The following TBC1D4 variants were observed in gnomAD, a reference collection of about 807,000 sequenced individuals.
TBC1D4 encodes TBC1 domain family member 4.
TBC1D4 carries 121 observed loss-of-function variants against 142.5 expected under a neutral mutation model. That is an observed-to-expected ratio of 0.85 (90% CI 0.73 to 0.99). TBC1D4 has a LOEUF of 0.99. TBC1D4 is among the 50% of genes least tolerant of loss of function. The pLI is 0.00. For synonymous variants in TBC1D4, 630 were observed against 628.2 expected (o/e 1.00, Z -0.04); for missense variants, 1,475 against 1,606.6 (o/e 0.92, Z 1.40).
rs113609804 is a variant in TBC1D4, at chr13:75,321,428, G to A, written c.2199-1391C>T. Among the ~76,000 whole-genome samples the A allele has an allele frequency of 2.7e-3, 359 of 133,220 alleles. 2 individuals carry two copies. The highest frequency in any genetic ancestry group is 8.2e-3 in the African/African-American group (325 of 39,648). 87.4% of individuals were successfully genotyped at this position (133,220 alleles called of 152,430 possible). ...ATGGCTTAGAATGAGGAAATATAGC[G>A]GTGCATATATATGTATATATATATG... On this transcript the variant is annotated intron_variant, in intron 11 of 20. Coordinates refer to ENST00000377636, the MANE Select transcript of TBC1D4 (RefSeq NM_014832.5).
chr13:75,338,554 C>G (rs1205597530), intron 7 of TBC1D4, among the ~76,000 whole-genome samples: 1 of 152,100 alleles, frequency 6.6e-6, no homozygotes, highest in Admixed American at 6.5e-5. Context: ...GTTAAAATCT[C>G]CTCCTGTATG....
At chr13:75,465,326 C>T (rs1431114608) in intron 1 of TBC1D4, among the ~76,000 whole-genome samples, 1 of 152,166 alleles carries the variant, frequency 6.6e-6, no homozygotes, top group African/African-American at 2.4e-5. Flanking sequence ...TACCAAGATC[C>T]AACACAGTAC....
intron 13 of TBC1D4, among the ~76,000 whole-genome samples, chr13:75,311,110 G>A (rs987699895): frequency 2.1e-4 from 32 of 152,212 alleles, no homozygotes; most frequent in African/African-American, 7.0e-4. Flanking sequence ...ACATTTCAAT[G>A]GTTGCTTATA....
Position 75,320,137 on chromosome 13 carries a change from T to C in TBC1D4, c.2199-100A>G, listed in dbSNP as rs1056321625. 34 of 1,310,374 alleles carry C rather than the reference T, an allele frequency of 2.6e-5. No homozygotes were observed. In the African/African-American group the frequency reaches 4.8e-4, roughly 19 times the overall value. 81.2% of individuals were successfully genotyped at this position (1,310,374 alleles called of 1,614,324 possible). A position where few individuals can be genotyped will look rare whatever the true frequency, so the allele number is the denominator to read the frequency against. On this transcript the variant is annotated intron_variant, in intron 11 of 20. Transcript: ENST00000377636. ...ATTCCAATAAGTCATCAATAAGTCA[T>C]GGTAAGGTTACTTCAATAATGAACC...
chr13:75,349,266 T>C lies in TBC1D4; in HGVS notation c.1312A>G (p.Ser438Gly), dbSNP rs1566410244. Reference sequence around the variant, plus strand: ...GCACTCTGCAGGGCAGCCGCCGTACTGAAGGCCTGTTTCAGAGTCAGCATT... The same window carrying C: ...GCACTCTGCAGGGCAGCCGCCGTACCGAAGGCCTGTTTCAGAGTCAGCATT... Reference protein sequence around the residue: ...EVMLTLKQAFSTAAALQSAKT... With the variant: ...EVMLTLKQAFGTAAALQSAKT... Residue 438 changes from serine to glycine, a missense_variant, in exon 5 of 21, where the codon AGT becomes GGT. Around this residue, in one of 2 missense-constraint regions of TBC1D4, gnomAD observed 1,227 missense variants for 1,267.7 expected, o/e 0.97. Transcript: ENST00000377636. The C allele has an allele frequency of 1.9e-6, 3 of 1,614,006 alleles. No individual in the cohort carries two copies. The highest frequency in any genetic ancestry group is 2.5e-6 in the Non-Finnish European group (3 of 1,179,932).
chr13:75,360,153 T>C (rs1882386994), intron 2 of TBC1D4, among the ~76,000 whole-genome samples: 1 of 152,152 alleles, frequency 6.6e-6, no homozygotes, highest in African/African-American at 2.4e-5. Context: ...ATATGCAAAC[T>C]TTCCTCACTT....
chr13:75,299,738 C>T lies in TBC1D4; in HGVS notation c.2912-164G>A, dbSNP rs560688040. ...TAACTAAGAGTCTCTCCCTCTCTCA[C>T]CCCAAGTTCTGCCAGGCCACCATAC... On this transcript the variant is annotated intron_variant, in intron 16 of 20. Coordinates refer to ENST00000377636, the MANE Select transcript of TBC1D4 (RefSeq NM_014832.5). Among the ~76,000 whole-genome samples the T allele has an allele frequency of 1.1e-4, 16 of 151,212 alleles. No individual in the cohort carries two copies. In the South Asian group the frequency reaches 2.9e-3, roughly 28 times the overall value.
chr13:75,441,554 T>C lies in TBC1D4; in HGVS notation c.498+39716A>G, dbSNP rs77544202. Among the ~76,000 whole-genome samples the C allele has an allele frequency of 2.6e-3, 396 of 152,334 alleles. 3 individuals are homozygous for C. Among genetic ancestry groups the C allele is most frequent in the Non-Finnish European group, 4.5e-3 (305 of 68,032 alleles). Reference sequence around the variant, plus strand: ...TAACTTAAAAGCACTATATTTTTAATATCTCTAAAAAGATTACTTTTGAAA... The same window carrying C: ...TAACTTAAAAGCACTATATTTTTAACATCTCTAAAAAGATTACTTTTGAAA... On this transcript the variant is annotated intron_variant, in intron 1 of 20. Coordinates refer to ENST00000377636, the MANE Select transcript of TBC1D4 (RefSeq NM_014832.5).
chr13:75,413,656 A>G (rs1202119077), intron 1 of TBC1D4, among the ~76,000 whole-genome samples: 1 of 152,204 alleles, frequency 6.6e-6, no homozygotes, highest in African/African-American at 2.4e-5. Context: ...TTCAAGAACA[A>G]AGAGGCCAGA....
intron 1 of TBC1D4, among the ~76,000 whole-genome samples, chr13:75,399,333 T>G (rs1227105619): frequency 6.6e-6 from 1 of 152,212 alleles, no homozygotes; most frequent in Non-Finnish European, 1.5e-5. Context: ...GAGAATTGGC[T>G]GAATTTCAGA....
intron 7 of TBC1D4, among the ~76,000 whole-genome samples, chr13:75,339,141 C>A (rs1418571154): frequency 6.6e-6 from 1 of 152,192 alleles, no homozygotes; most frequent in Non-Finnish European, 1.5e-5. Context: ...ACATTGGTTT[C>A]TCCTCCTAAA....
intron 1 of TBC1D4, among the ~76,000 whole-genome samples, chr13:75,383,879 A>C (rs1384565856): frequency 6.6e-6 from 1 of 151,970 alleles, no homozygotes; most frequent in Non-Finnish European, 1.5e-5. Flanking sequence ...ACTCATTCTT[A>C]CTTCATCATC....
At chr13:75,313,491 C>T (rs868530363) in intron 12 of TBC1D4, among the ~76,000 whole-genome samples, 1 of 152,124 alleles carries the variant, frequency 6.6e-6, no homozygotes, top group Non-Finnish European at 1.5e-5. Context: ...GATTGGATGG[C>T]TAAGTTAAAA....
intron 12 of TBC1D4, among the ~76,000 whole-genome samples, chr13:75,314,601 T>C (rs1343470801): frequency 6.6e-6 from 1 of 152,170 alleles, no homozygotes; most frequent in Non-Finnish European, 1.5e-5. Context: ...TATATCTCAA[T>C]ATAGTCAAAC....
chr13:75,420,727 ATAATT>A (rs1199520860), intron 1 of TBC1D4, among the ~76,000 whole-genome samples: 1 of 152,226 alleles, frequency 6.6e-6, no homozygotes, highest in African/African-American at 2.4e-5. Context: ...CTACGCAACA[ATAATT>A]TAATAAGTTA....
chr13:75,360,432 A>T (rs953473203), intron 2 of TBC1D4, among the ~76,000 whole-genome samples: 2 of 152,122 alleles, frequency 1.3e-5, no homozygotes, highest in African/African-American at 4.8e-5. Flanking sequence ...CAAAACCACC[A>T]CCAACAAAAA....
Position 75,387,364 on chromosome 13 carries a change from G to A in TBC1D4, c.499-24757C>T, listed in dbSNP as rs545899391. Among the ~76,000 whole-genome samples the A allele has an allele frequency of 2.0e-4, 31 of 152,260 alleles. No homozygotes were observed. In the South Asian group the frequency reaches 5.8e-3, roughly 28 times the overall value. Reference sequence around the variant, plus strand: ...TGACACTATCCACCAAAGAATGATCGTTCCTTAGAGGTTTGTGGCAATGCG... The same window carrying A: ...TGACACTATCCACCAAAGAATGATCATTCCTTAGAGGTTTGTGGCAATGCG... On this transcript the variant is annotated intron_variant, in intron 1 of 20. Transcript: ENST00000377636.
intron 18 of TBC1D4, among the ~76,000 whole-genome samples, chr13:75,293,906 A>G (rs1316701357): frequency 6.6e-6 from 1 of 152,208 alleles, no homozygotes; most frequent in Non-Finnish European, 1.5e-5. Flanking sequence ...AACACTGGCA[A>G]TGACCTACAA....
chr13:75,348,954 A>AGAGAGAGAGTGTGT lies in TBC1D4; in HGVS notation c.1408+215_1408+216insACACACTCTCTCTC, dbSNP rs969343152. On this transcript the variant is annotated intron_variant, in intron 5 of 20. Transcript: ENST00000377636. The stretch of plus-strand genomic sequence containing the variant: ...GGAGAGAGAGTAGAGAGAGAGAGAG[A>AGAGAGAGAGTGTGT]GTGTGTGTGTGTGTGTGTGTGTGTG... 2.2e-5 allele frequency among the ~76,000 whole-genome samples: 3 copies of AGAGAGAGAGTGTGT among 139,166 alleles called. No homozygotes were observed. The South Asian group carries it at 7.4e-4, about 34-fold the overall frequency. 91.3% of individuals were successfully genotyped at this position (139,166 alleles called of 152,430 possible). A position where few individuals can be genotyped will look rare whatever the true frequency, so the allele number is the denominator to read the frequency against.
Sources: gnomAD v4.1 joint callset for allele counts (sites outside exome capture counted in the v4.1 genomes callset) on GRCh38, gnomAD v4.1.1 for gene constraint, gnomAD v4.1.1 regional missense constraint, MANE v1.5 for transcripts, NCBI Gene and HGNC (gene_info 2026-07-23, HGNC 2026-07-21) for gene names.